RHOU: variants seen among roughly 807,000 people sequenced by gnomAD.
RHOU encodes rho-related GTP-binding protein RhoU.
In RHOU, 8 loss-of-function variants were observed where a neutral mutation model predicts 12.6. That is an observed-to-expected ratio of 0.64 (90% CI 0.37 to 1.15). RHOU has a LOEUF of 1.15. RHOU is among the 50% of genes most tolerant of loss of function. RHOU has a pLI of 0.01. For synonymous variants in RHOU, 161 were observed against 147.4 expected (o/e 1.09, Z -0.67); for missense variants, 258 against 347.0 (o/e 0.74, Z 2.04).
chr1:228,729,047 CA>C, the RHOU span, among the ~76,000 whole-genome samples: 1 of 151,994 alleles, frequency 6.6e-6, no homozygotes, highest in Non-Finnish European at 1.5e-5. Flanking sequence ...AGGTATGCAC[CA>C]CCACGCTGGG....
chr1:228,684,106 C>T, the RHOU span, among the ~76,000 whole-genome samples: 17 of 150,334 alleles, frequency 1.1e-4, no homozygotes, highest in East Asian at 2.8e-3. Flanking sequence ...GGCATGATCT[C>T]GGCTCACTGC....
At chr1:228,702,916 G>A in the RHOU span, among the ~76,000 whole-genome samples, 1 of 151,916 alleles carries the variant, frequency 6.6e-6, no homozygotes, top group African/African-American at 2.4e-5. Flanking sequence ...CTGTTTTATT[G>A]CTCTAAGTAG....
chr1:228,670,610 T>A, the RHOU span, among the ~76,000 whole-genome samples: 1 of 152,202 alleles, frequency 6.6e-6, no homozygotes, highest in African/African-American at 2.4e-5. Flanking sequence ...TATGATGACT[T>A]ACTTGGATGA....
chr1:228,701,511 T>A, the RHOU span, among the ~76,000 whole-genome samples: 1 of 152,108 alleles, frequency 6.6e-6, no homozygotes, highest in South Asian at 2.1e-4. Context: ...ACAAAAATCT[T>A]GTTTAAAAGA....
chr1:228,683,452 T>C, the RHOU span, among the ~76,000 whole-genome samples: 3 of 152,184 alleles, frequency 2.0e-5, no homozygotes, highest in South Asian at 4.1e-4. Context: ...ATTTTACATA[T>C]GATATATGTG....
At chr1:228,695,031 G>A in the RHOU span, among the ~76,000 whole-genome samples, 5 of 152,016 alleles carry the variant, frequency 3.3e-5, no homozygotes, top group Admixed American at 2.6e-4. Context: ...GTGCAGTGGC[G>A]GGATCTCTGC....
chr1:228,704,424 T>A, the RHOU span, among the ~76,000 whole-genome samples: 1 of 152,068 alleles, frequency 6.6e-6, no homozygotes, highest in Non-Finnish European at 1.5e-5. Context: ...GTTGGTAAAT[T>A]TTCTTACCAA....
chr1:228,707,250 TATATAGTG>T, the RHOU span, among the ~76,000 whole-genome samples: 1 of 93,104 alleles, frequency 1.1e-5, no homozygotes, highest in African/African-American at 6.6e-5. Flanking sequence ...TATATATATA[TATATAGTG>T]TGTGTGTGTG....
In RHOU at chr1:228,738,647, T is replaced by G. The variant is rs1300065448; in HGVS notation, c.321+916T>G. 6.6e-6 allele frequency among the ~76,000 whole-genome samples: 1 copy of G among 152,140 alleles called. No homozygotes were observed. Among genetic ancestry groups the G allele is most frequent in the Non-Finnish European group, 1.5e-5 (1 of 68,024 alleles). ...CCCAGAGCCTCATCTACGCCAGAGC[T>G]TCCAAGTTGCTCACCTACTCTGGGA... is the stretch of plus-strand genomic sequence containing the variant. On this transcript the variant is annotated intron_variant, in intron 2 of 2. Transcript: ENST00000366691. This position sits in a 1 kb window ranked among gnomAD's most constrained non-coding sequence, Gnocchi z 4.2.
chr1:228,652,977 T>G, the RHOU span, among the ~76,000 whole-genome samples: 1 of 152,234 alleles, frequency 6.6e-6, no homozygotes, highest in Non-Finnish European at 1.5e-5. Flanking sequence ...ATACTTATTT[T>G]TAATGGAAAT....
the RHOU span, among the ~76,000 whole-genome samples, chr1:228,723,837 T>C: frequency 7.2e-5 from 11 of 152,352 alleles, no homozygotes; most frequent in Admixed American, 6.5e-4. Flanking sequence ...CTTTCTTCTA[T>C]GGCCTCACCT....
chr1:228,676,290 T>A, the RHOU span, among the ~76,000 whole-genome samples: 1 of 152,158 alleles, frequency 6.6e-6, no homozygotes, highest in African/African-American at 2.4e-5. Flanking sequence ...ATATTTTAAA[T>A]GCCTCTCTGG....
At chr1:228,680,032 T>G in the RHOU span, among the ~76,000 whole-genome samples, 1 of 152,044 alleles carries the variant, frequency 6.6e-6, no homozygotes, top group Admixed American at 6.5e-5. Context: ...TTTTAAGAGG[T>G]TAAGAAGCCT....
upstream of RHOU, among the ~76,000 whole-genome samples, chr1:228,732,762 A>G (rs1391194261): frequency 1.3e-5 from 2 of 152,194 alleles, no homozygotes; most frequent in Non-Finnish European, 2.9e-5. Context: ...AGCTGGCCAG[A>G]TGGAGGGGCA....
the RHOU span, chr1:228,651,030 G>T: frequency 3.6e-5 from 10 of 281,584 alleles, no homozygotes; most frequent in Non-Finnish European, 7.3e-5. Context: ...GGGTTCTCCT[G>T]TTCACCCACC....
the RHOU span, among the ~76,000 whole-genome samples, chr1:228,670,844 CTCTG>C: frequency 7.2e-5 from 11 of 152,184 alleles, no homozygotes; most frequent in African/African-American, 2.7e-4. Flanking sequence ...CCCCTTTACT[CTCTG>C]TCTGTTGCTC....
At chr1:228,714,251 T>C in the RHOU span, among the ~76,000 whole-genome samples, 1 of 152,118 alleles carries the variant, frequency 6.6e-6, no homozygotes, top group Admixed American at 6.6e-5. Flanking sequence ...TATTTTAAAA[T>C]TTTGCATCAA....
chr1:228,647,200 A>C, the RHOU span, among the ~76,000 whole-genome samples: 10 of 152,324 alleles, frequency 6.6e-5, no homozygotes, highest in Middle Eastern at 3.4e-3. Flanking sequence ...CGGAGCGCTG[A>C]GACGGGTTTT....
Position 228,743,602 on chromosome 1 carries a change from G to C in RHOU, c.639G>C (p.Glu213Asp), listed in dbSNP as rs570518944. The C allele has an allele frequency of 3.7e-6, 6 of 1,614,180 alleles. No individual in the cohort carries two copies. The African/African-American group carries it at 8.0e-5, about 22-fold the overall frequency. ...CSALTQKNLK[E>D]VFDAAIVAGI... ...CCTTGACTCAAAAAAACCTCAAAGA[G>C]GTCTTTGATGCAGCCATCGTCGCTG... Residue 213 changes from glutamate (E) to aspartate (D), a missense_variant, in exon 3 of 3, where the codon GAG (glutamate) becomes GAC (aspartate). Glu to Asp is a conservative substitution (Grantham distance 45). Coordinates refer to ENST00000366691, the MANE Select transcript of RHOU (RefSeq NM_021205.6). This position sits in a 1 kb window ranked among gnomAD's most constrained non-coding sequence, Gnocchi z 5.1.
Sources: gnomAD v4.1 joint callset for allele counts (sites outside exome capture counted in the v4.1 genomes callset) on GRCh38, gnomAD v4.1.1 for gene constraint, Gnocchi (gnomAD v3.1) non-coding constraint, MANE v1.5 for transcripts, NCBI Gene and HGNC (gene_info 2026-07-23, HGNC 2026-07-21) for gene names.